The following PKIB variants were observed in gnomAD, a reference collection of about 807,000 sequenced individuals.
PKIB encodes the protein cAMP-dependent protein kinase inhibitor beta, also known as PKI-beta.
Under a neutral mutation model 4.5 loss-of-function variants are expected in PKIB, and 2 were observed. That is an observed-to-expected ratio of 0.44 (90% CI 0.18 to 1.39). PKIB has a LOEUF of 1.39. Ranked by LOEUF, PKIB falls within the 40% of genes most tolerant of loss-of-function variation. PKIB has a pLI of 0.27. For missense variants in PKIB, 94 were observed against 92.6 expected (o/e 1.02, Z -0.06); for synonymous variants, 38 against 36.0 (o/e 1.06, Z -0.20).
intron 2 of PKIB, among the ~76,000 whole-genome samples, chr6:122,503,026 C>G (rs75502458): frequency 0.016 from 2,478 of 152,228 alleles, 25 homozygotes; most frequent in Admixed American, 0.025. Flanking sequence ...GGCCTAATTC[C>G]TGCTTCATAT....
chr6:122,667,967 A>T (rs1777299038), intron 2 of PKIB, among the ~76,000 whole-genome samples: 1 of 151,890 alleles, frequency 6.6e-6, no homozygotes, highest in Non-Finnish European at 1.5e-5. Context: ...ATGAAATGCA[A>T]CCCCCACCCT....
At chr6:122,676,532 G>T (rs1002961862) in intron 3 of PKIB, among the ~76,000 whole-genome samples, 1 of 152,006 alleles carries the variant, frequency 6.6e-6, no homozygotes, top group African/African-American at 2.4e-5. Flanking sequence ...ATAATTCTGG[G>T]GTTCTCAACT....
At chr6:122,614,369 A>G (rs532432179) in intron 1 of PKIB, among the ~76,000 whole-genome samples, 14 of 152,318 alleles carry the variant, frequency 9.2e-5, no homozygotes, top group African/African-American at 3.4e-4. Context: ...AAGAAGCAGC[A>G]ACAGAAGCAT....
At chr6:122,610,911 G>A (rs962475466) in intron 1 of PKIB, among the ~76,000 whole-genome samples, 8 of 152,172 alleles carry the variant, frequency 5.3e-5, no homozygotes, top group African/African-American at 1.9e-4. Context: ...CTTTCCCCTG[G>A]GCGGTGCTTA....
intron 2 of PKIB, among the ~76,000 whole-genome samples, 163 bp downstream of exon 2, chr6:122,633,530 G>A (rs564680418): frequency 9.2e-5 from 14 of 152,258 alleles, no homozygotes; most frequent in African/African-American, 3.1e-4. Context: ...AAGATTGATA[G>A]AATATATTGT....
At chr6:122,652,335 G>T (rs7450236) in intron 2 of PKIB, among the ~76,000 whole-genome samples, 9 of 63,916 alleles carry the variant, frequency 1.4e-4, no homozygotes, top group South Asian at 2.2e-3. Context: ...TGTGTGTGTG[G>T]AGAGAGAGAG....
At position 122,644,077 on chromosome 6, in the gene PKIB, G is replaced by A. The variant is rs182422166; in HGVS notation, c.-76+10710G>A. ...TCATATCGTGTGAGCTGATTGCAAG[G>A]GGTTAACCCAAAATGAGCCACTTCA... On this transcript the variant is annotated intron_variant, in intron 2 of 4. Transcript: ENST00000368452. 6 of 152,194 alleles carry A rather than the reference G, an allele frequency of 3.9e-5. No individual in the cohort carries two copies. In the East Asian group the frequency reaches 1.2e-3, roughly 29 times the overall value. 9.4% of individuals were successfully genotyped at this position (152,194 alleles called of 1,614,324 possible).
chr6:122,708,157 C>T (rs1305628021), intron 3 of PKIB, among the ~76,000 whole-genome samples: 13 of 151,884 alleles, frequency 8.6e-5, no homozygotes, highest in Non-Finnish European at 1.3e-4. Context: ...TAAGTAAATG[C>T]GAATACATTT....
chr6:122,629,264 A>G (rs1031647239), intron 1 of PKIB, among the ~76,000 whole-genome samples: 6 of 152,230 alleles, frequency 3.9e-5, no homozygotes, highest in African/African-American at 1.4e-4. Flanking sequence ...ATAATGCAAT[A>G]TGTATTGCAT....
At chr6:122,538,102 T>C (rs1278429162) in intron 2 of PKIB, among the ~76,000 whole-genome samples, 1 of 152,082 alleles carries the variant, frequency 6.6e-6, no homozygotes, top group Non-Finnish European at 1.5e-5. Flanking sequence ...GAGTAGGTTG[T>C]GAAAATTTTC....
At chr6:122,507,994 G>C (rs1020585228) in intron 2 of PKIB, among the ~76,000 whole-genome samples, 1 of 151,930 alleles carries the variant, frequency 6.6e-6, no homozygotes, top group Non-Finnish European at 1.5e-5. Context: ...TTAATTTTTT[G>C]TTTATGTAAT....
chr6:122,644,401 A>C (rs1776234064), intron 2 of PKIB: 1 of 152,182 alleles, frequency 6.6e-6, no homozygotes, highest in African/African-American at 2.4e-5. Flanking sequence ...GAAGTCATTC[A>C]GAGATGCAGC....
chr6:122,658,472 A>G (rs995241763), intron 2 of PKIB, among the ~76,000 whole-genome samples: 1 of 152,176 alleles, frequency 6.6e-6, no homozygotes, highest in African/African-American at 2.4e-5. Context: ...TTGAGATGTT[A>G]ATAAATCCAA....
chr6:122,554,753 A>G (rs1405059536), intron 2 of PKIB, among the ~76,000 whole-genome samples: 1 of 152,186 alleles, frequency 6.6e-6, no homozygotes, highest in Non-Finnish European at 1.5e-5. Flanking sequence ...TTTCTTATAT[A>G]GAGATTCATG....
chr6:122,618,517 A>C (rs1775084039), intron 1 of PKIB, among the ~76,000 whole-genome samples: 1 of 152,096 alleles, frequency 6.6e-6, no homozygotes, highest in African/African-American at 2.4e-5. Flanking sequence ...ATTTCAGAAT[A>C]GTTTTAAGAA....
At chr6:122,707,203 T>G (rs1284328174) in intron 3 of PKIB, among the ~76,000 whole-genome samples, 1 of 152,104 alleles carries the variant, frequency 6.6e-6, no homozygotes, top group Non-Finnish European at 1.5e-5. Flanking sequence ...TTGGGATTTT[T>G]TTTCCTCTAT....
chr6:122,574,919 G>A (rs1011440334), intron 2 of PKIB, among the ~76,000 whole-genome samples: 2 of 152,096 alleles, frequency 1.3e-5, no homozygotes, highest in African/African-American at 4.8e-5. Context: ...AAACTAAAAA[G>A]CTTCTGCACA....
At chr6:122,543,355 CTT>C (rs34068830) in intron 2 of PKIB, among the ~76,000 whole-genome samples, 33 of 138,764 alleles carry the variant, frequency 2.4e-4, no homozygotes, top group African/African-American at 7.3e-4. Flanking sequence ...CCACCCCCTC[CTT>C]TTTTTTTTTT....
intron 3 of PKIB, among the ~76,000 whole-genome samples, chr6:122,688,782 CTTTTT>C (rs34877015): frequency 7.2e-6 from 1 of 139,074 alleles, no homozygotes; most frequent in Non-Finnish European, 1.6e-5. Flanking sequence ...ATGAGCCTTT[CTTTTT>C]TTTTTTTTTT....
Sources: gnomAD v4.1 joint callset for allele counts (sites outside exome capture counted in the v4.1 genomes callset) on GRCh38, gnomAD v4.1.1 for gene constraint, MANE v1.5 for transcripts, NCBI Gene and HGNC (gene_info 2026-07-23, HGNC 2026-07-21) for gene names.